The following STK32B variants were observed in gnomAD, a reference collection of about 807,000 sequenced individuals.
STK32B encodes serine/threonine kinase 32B.
In STK32B, 43 loss-of-function variants were observed where a neutral mutation model predicts 52.6. That is an observed-to-expected ratio of 0.82 (90% CI 0.64 to 1.05). The LOEUF (loss-of-function observed/expected upper bound fraction) is 1.05, where lower values mean the gene tolerates loss of function less well. Ranked by LOEUF, STK32B falls within the 50% of genes least tolerant of loss-of-function variation. The pLI, the probability that STK32B is intolerant of heterozygous loss-of-function variation, is 0.00. For synonymous variants in STK32B, 238 were observed against 204.3 expected, an observed-to-expected ratio of 1.17 and a Z score of -1.41; for missense variants, 621 against 534.6, an observed-to-expected ratio of 1.16 and a Z score of -1.59.
intron 1 of STK32B, among the ~76,000 whole-genome samples, chr4:5,096,975 C>T (rs1180724998): frequency 6.6e-6 from 1 of 152,210 alleles, no homozygotes; most frequent in Non-Finnish European, 1.5e-5. Context: ...ATTTATTCTT[C>T]CTCTACAGAA....
chr4:5,450,699 T>C (rs1715912539), intron 7 of STK32B, among the ~76,000 whole-genome samples: 1 of 152,192 alleles, frequency 6.6e-6, no homozygotes, highest in Admixed American at 6.5e-5. Flanking sequence ...TAATTATATC[T>C]ACCCAATAGG....
intron 6 of STK32B, among the ~76,000 whole-genome samples, chr4:5,443,801 A>T (rs868777844): frequency 1.3e-5 from 2 of 151,838 alleles, no homozygotes; most frequent in Non-Finnish European, 2.9e-5. Flanking sequence ...CTTTCTGTTT[A>T]TTAGTTTTCC....
At chr4:5,169,199 T>G (rs940805390) in intron 3 of STK32B, among the ~76,000 whole-genome samples, 113 of 152,276 alleles carry the variant, frequency 7.4e-4, no homozygotes, top group African/African-American at 2.5e-3. Flanking sequence ...TAATGCCATC[T>G]TTATCACAGT....
intron 4 of STK32B, among the ~76,000 whole-genome samples, chr4:5,342,899 A>G (rs934846705): frequency 5.3e-5 from 8 of 152,244 alleles, no homozygotes; most frequent in African/African-American, 1.9e-4. Flanking sequence ...CACATTTAAT[A>G]AATCAATATT....
chr4:5,141,053 A>C (rs1023907800), intron 2 of STK32B, among the ~76,000 whole-genome samples: 14 of 152,208 alleles, frequency 9.2e-5, no homozygotes, highest in Admixed American at 8.5e-4. Flanking sequence ...CTGAGCTATC[A>C]ATAGGGTAGC....
chr4:5,040,388 A>AT, the STK32B span, among the ~76,000 whole-genome samples: 26,430 of 117,050 alleles, frequency 0.23, 3,195 homozygotes, highest in African/African-American at 0.29. Context: ...TGGCAGTAGA[A>AT]TTTTTTTTTT....
At chr4:5,388,782 T>C (rs1736416081) in intron 4 of STK32B, among the ~76,000 whole-genome samples, 1 of 152,198 alleles carries the variant, frequency 6.6e-6, no homozygotes, top group Non-Finnish European at 1.5e-5. Context: ...GTCACGGGGC[T>C]CACCCATTCA....
chr4:5,164,445 A>C (rs1316490130), intron 2 of STK32B, among the ~76,000 whole-genome samples: 1 of 152,166 alleles, frequency 6.6e-6, no homozygotes, highest in Non-Finnish European at 1.5e-5. Flanking sequence ...GAGATCCTTA[A>C]CTTAATTACA....
intron 1 of STK32B, among the ~76,000 whole-genome samples, chr4:5,053,994 A>AATAAATAAATAAATAAATAAATAAAT (rs148849409): frequency 0.025 from 3,651 of 147,920 alleles, 128 homozygotes; most frequent in African/African-American, 0.068. Context: ...TAAATAAATA[A>AATAAATAAATAAATAAATAAATAAAT]ATAAATAAAT....
intron 11 of STK32B, among the ~76,000 whole-genome samples, chr4:5,476,572 C>T (rs1456036365): frequency 6.6e-6 from 1 of 151,876 alleles, no homozygotes; most frequent in African/African-American, 2.4e-5. Flanking sequence ...TATGAAAAAG[C>T]CTTAGACTCT....
At chr4:5,328,743 T>C (rs1560324012) in intron 3 of STK32B, among the ~76,000 whole-genome samples, 1 of 152,232 alleles carries the variant, frequency 6.6e-6, no homozygotes, top group African/African-American at 2.4e-5. Context: ...TTGACACTGA[T>C]AGACTTACTG....
At chr4:5,043,850 T>C in the STK32B span, among the ~76,000 whole-genome samples, 4 of 152,250 alleles carry the variant, frequency 2.6e-5, no homozygotes, top group African/African-American at 4.8e-5. Flanking sequence ...CTACCTGTCT[T>C]CTCGGGCTCC....
intron 2 of STK32B, among the ~76,000 whole-genome samples, chr4:5,153,117 A>G (rs1717507886): frequency 6.6e-6 from 1 of 152,236 alleles, no homozygotes; most frequent in Non-Finnish European, 1.5e-5. Flanking sequence ...TACAGAAGTG[A>G]CGTTGAAACT....
At chr4:5,048,084 A>G (rs1741652423), upstream of STK32B, among the ~76,000 whole-genome samples, 1 of 151,072 alleles carries the variant, frequency 6.6e-6, no homozygotes, top group Non-Finnish European at 1.5e-5. Flanking sequence ...ATTGATTTTG[A>G]CTTCTGGCCT....
At chr4:5,464,206 A>G (rs953016456) in intron 9 of STK32B, among the ~76,000 whole-genome samples, 7 of 152,184 alleles carry the variant, frequency 4.6e-5, no homozygotes, top group African/African-American at 1.4e-4. Flanking sequence ...ATCCGTCCCC[A>G]TGAACCAAAC....
chr4:5,480,944 G>A (rs1718648473), intron 11 of STK32B, among the ~76,000 whole-genome samples: 1 of 152,088 alleles, frequency 6.6e-6, no homozygotes, highest in African/African-American at 2.4e-5. Context: ...AGTATTCTAT[G>A]GTGTATATGT....
intron 1 of STK32B, among the ~76,000 whole-genome samples, chr4:5,123,415 C>T (rs542728110): frequency 2.7e-4 from 41 of 152,276 alleles, no homozygotes; most frequent in South Asian, 6.2e-4. Context: ...CACCCAGCCC[C>T]GTGCTTTTCC....
At chr4:5,304,340 A>G (rs1729775280) in intron 3 of STK32B, among the ~76,000 whole-genome samples, 1 of 151,628 alleles carries the variant, frequency 6.6e-6, no homozygotes. Flanking sequence ...TGTGTCATCT[A>G]TGATTTCTTT....
rs529134724 is a variant in STK32B, at chr4:5,409,298, G to T, written c.473-7547G>T. Reference sequence around the variant, plus strand: ...GAGTGGGAGAGGATGCTAAGTGTGAGAATCTAGTGTCCAGCATGGTGCCTC... The same window carrying T: ...GAGTGGGAGAGGATGCTAAGTGTGATAATCTAGTGTCCAGCATGGTGCCTC... On this transcript the variant is annotated intron_variant, in intron 5 of 11. Transcript: ENST00000282908. Among the ~76,000 whole-genome samples, 10 of 152,250 alleles carry T rather than the reference G, an allele frequency of 6.6e-5. No homozygotes were observed. The East Asian group carries it at 1.7e-3, about 26-fold the overall frequency.
Sources: gnomAD v4.1 joint callset for allele counts (sites outside exome capture counted in the v4.1 genomes callset) on GRCh38, gnomAD v4.1.1 for gene constraint, MANE v1.5 for transcripts, NCBI Gene and HGNC (gene_info 2026-07-23, HGNC 2026-07-21) for gene names.